The following CSMD1 variants were observed in gnomAD, a reference collection of about 807,000 sequenced individuals.
CSMD1 encodes CUB and sushi domain-containing protein 1.
CSMD1 carries 213 observed loss-of-function variants against 417.5 expected under a neutral mutation model. That is an observed-to-expected ratio of 0.51 (90% confidence interval 0.46 to 0.57). CSMD1 has a LOEUF of 0.57. Among genes scored for constraint, CSMD1 ranks in the 20% least tolerant of loss-of-function variants. CSMD1 has a pLI of 0.00. For missense variants in CSMD1, 6,923 were observed against 4,529.7 expected, an observed-to-expected ratio of 1.53 and a Z score of -15.17; for synonymous variants, 2,862 against 1,736.8, an observed-to-expected ratio of 1.65 and a Z score of -16.11.
chr8:4,214,167 A>T (rs1009460103), intron 3 of CSMD1, among the ~76,000 whole-genome samples: 1 of 152,110 alleles, frequency 6.6e-6, no homozygotes, highest in African/African-American at 2.4e-5. Context: ...TTGTATTTTA[A>T]TTTAGCACAT....
intron 3 of CSMD1, among the ~76,000 whole-genome samples, chr8:4,124,685 A>G (rs1647328): frequency 0.99 from 150,692 of 152,282 alleles, 74,584 homozygotes; most frequent in East Asian, 1. Context: ...TGGACTTCCT[A>G]GGTCAATAGG....
intron 49 of CSMD1, among the ~76,000 whole-genome samples, chr8:3,054,608 G>T (rs1585237997): frequency 7.0e-6 from 1 of 143,280 alleles, no homozygotes; most frequent in Admixed American, 7.2e-5. Context: ...ATAGAGCAAG[G>T]CCCTGTCTCA....
chr8:4,405,871 T>C (rs566505395), intron 3 of CSMD1, among the ~76,000 whole-genome samples: 2 of 152,284 alleles, frequency 1.3e-5, no homozygotes, highest in South Asian at 2.1e-4. Context: ...ACTTTAGAAA[T>C]GCATGTGGTT....
At chr8:4,368,832 C>T (rs1455915045) in intron 3 of CSMD1, among the ~76,000 whole-genome samples, 1 of 151,950 alleles carries the variant, frequency 6.6e-6, no homozygotes, top group Non-Finnish European at 1.5e-5. Context: ...TTCTAAGTGT[C>T]TTTATTTGGG....
At chr8:2,940,015 C>G (rs1801759638) in intron 69 of CSMD1, among the ~76,000 whole-genome samples, 1 of 152,142 alleles carries the variant, frequency 6.6e-6, no homozygotes, top group South Asian at 2.1e-4. Flanking sequence ...GCTGTCAGCA[C>G]CTTGGGCTCT....
intron 3 of CSMD1, among the ~76,000 whole-genome samples, chr8:4,224,307 T>A (rs567280802): frequency 4.7e-4 from 72 of 152,306 alleles, no homozygotes; most frequent in African/African-American, 1.7e-3. Flanking sequence ...AACATTAAGA[T>A]ATTTTAACCA....
intron 10 of CSMD1, among the ~76,000 whole-genome samples, chr8:3,532,967 C>A (rs1160786434): frequency 6.6e-6 from 1 of 152,126 alleles, no homozygotes; most frequent in Non-Finnish European, 1.5e-5. Context: ...GAGTCTCATA[C>A]AATCACCTCA....
chr8:4,129,159 A>G (rs1335108251), intron 3 of CSMD1, among the ~76,000 whole-genome samples: 3 of 151,974 alleles, frequency 2.0e-5, no homozygotes, highest in African/African-American at 4.8e-5. Flanking sequence ...TATCACCAAC[A>G]CATCCCCAAC....
At chr8:3,085,329 G>T (rs942987517) in intron 49 of CSMD1, among the ~76,000 whole-genome samples, 3 of 152,208 alleles carry the variant, frequency 2.0e-5, no homozygotes, top group Admixed American at 6.5e-5. Context: ...AAGGTTAACA[G>T]GAAGTGTAGA....
intron 3 of CSMD1, among the ~76,000 whole-genome samples, chr8:4,309,409 T>C (rs991250757): frequency 1.3e-5 from 2 of 152,114 alleles, no homozygotes; most frequent in African/African-American, 2.4e-5. Context: ...GCTTTGGAAA[T>C]TTGAAAGAAA....
chr8:4,424,007 G>A (rs989206351), intron 2 of CSMD1, among the ~76,000 whole-genome samples: 4 of 151,960 alleles, frequency 2.6e-5, no homozygotes, highest in South Asian at 2.1e-4. Context: ...GATGTCCATA[G>A]CAAATAGTAA....
intron 5 of CSMD1, among the ~76,000 whole-genome samples, chr8:3,974,342 G>A (rs925832314): frequency 6.6e-6 from 1 of 151,558 alleles, no homozygotes; most frequent in African/African-American, 2.4e-5. Flanking sequence ...TGTTTGAGTA[G>A]TTGAAAGAAA....
intron 6 of CSMD1, among the ~76,000 whole-genome samples, chr8:3,718,150 T>G (rs1254159274): frequency 1.3e-5 from 2 of 152,248 alleles, no homozygotes; most frequent in Non-Finnish European, 2.9e-5. Context: ...AATCTATTAT[T>G]GTCTCATGGT....
intron 2 of CSMD1, among the ~76,000 whole-genome samples, chr8:4,460,314 T>C (rs867231985): frequency 9.2e-5 from 14 of 151,982 alleles, no homozygotes; most frequent in South Asian, 2.1e-4. Flanking sequence ...TACATCAAAA[T>C]GTATGAAATG....
intron 26 of CSMD1, among the ~76,000 whole-genome samples, chr8:3,234,580 G>A (rs185918335): frequency 3.9e-5 from 6 of 152,280 alleles, no homozygotes; most frequent in African/African-American, 9.6e-5. Context: ...GGCCATTGCT[G>A]TACTTTCCCA....
chr8:4,654,117 A>G (rs1012097372), intron 1 of CSMD1, among the ~76,000 whole-genome samples: 1 of 152,104 alleles, frequency 6.6e-6, no homozygotes. Context: ...GGCCGATGTT[A>G]CACTCCATGT....
intron 5 of CSMD1, among the ~76,000 whole-genome samples, chr8:3,915,718 G>C (rs1305515319): frequency 6.6e-6 from 1 of 150,668 alleles, no homozygotes; most frequent in Non-Finnish European, 1.5e-5. Context: ...TTGGTTGAAT[G>C]TTAATTTAGC....
At chr8:4,731,202 G>A (rs1167291547) in intron 1 of CSMD1, among the ~76,000 whole-genome samples, 2 of 152,138 alleles carry the variant, frequency 1.3e-5, no homozygotes, top group Non-Finnish European at 2.9e-5. Flanking sequence ...CTACTGTTTG[G>A]AAGCGAGAAT....
chr8:3,114,275 T>A (rs113946698), intron 42 of CSMD1, among the ~76,000 whole-genome samples: 43 of 151,974 alleles, frequency 2.8e-4, no homozygotes, highest in African/African-American at 1.0e-3. Flanking sequence ...ACAAAATAAT[T>A]TAAATTTTAA....
Sources: gnomAD v4.1 joint callset for allele counts (sites outside exome capture counted in the v4.1 genomes callset) on GRCh38, gnomAD v4.1.1 for gene constraint, MANE v1.5 for transcripts, NCBI Gene and HGNC (gene_info 2026-07-23, HGNC 2026-07-21) for gene names.